AP4S1: variants seen among roughly 807,000 people sequenced by gnomAD.
AP4S1 encodes AP-4 complex subunit sigma-1.
In AP4S1, 23 loss-of-function variants were observed where a neutral mutation model predicts 19.8. The ratio of observed to expected loss-of-function variants is 1.16; its 90% CI spans 0.84 to 1.65. The LOEUF (loss-of-function observed/expected upper bound fraction) is 1.65. Among genes scored for constraint, AP4S1 ranks in the 40% most tolerant of loss-of-function variants. The pLI is 0.00. For synonymous variants in AP4S1, 46 were observed against 54.1 expected, an observed-to-expected ratio of 0.85 and a Z score of 0.66; for missense variants, 166 against 172.8, an observed-to-expected ratio of 0.96 and a Z score of 0.22.
At chr14:31,057,508 C>T (rs1014203969) in intron 1 of AP4S1, among the ~76,000 whole-genome samples, 2 of 152,320 alleles carry the variant, frequency 1.3e-5, no homozygotes, top group Non-Finnish European at 1.5e-5. Flanking sequence ...ATGTGTACTT[C>T]GTTCAGCCTC....
intron 4 of AP4S1, among the ~76,000 whole-genome samples, chr14:31,079,650 C>A (rs1403617353): frequency 6.6e-6 from 1 of 151,864 alleles, no homozygotes; most frequent in East Asian, 1.9e-4. Context: ...CATGGCAAAA[C>A]CCCCGTCTCT....
intron 4 of AP4S1, among the ~76,000 whole-genome samples, chr14:31,077,276 G>T (rs142139707): frequency 4.6e-5 from 7 of 152,040 alleles, no homozygotes; most frequent in East Asian, 1.9e-4. Context: ...TTTTCATTTC[G>T]CATTTAAATA....
chr14:31,048,025 A>C (rs931802178), intron 1 of AP4S1, among the ~76,000 whole-genome samples: 1 of 151,838 alleles, frequency 6.6e-6, no homozygotes, highest in Admixed American at 6.6e-5. Context: ...GCTTGCATTT[A>C]GGTCTATGAT....
chr14:31,088,425 A>G (rs1448185238), intron 5 of AP4S1, among the ~76,000 whole-genome samples: 1 of 152,220 alleles, frequency 6.6e-6, no homozygotes, highest in Non-Finnish European at 1.5e-5. Flanking sequence ...TTAATTTTGC[A>G]TAAGCCTACA....
intron 2 of AP4S1, among the ~76,000 whole-genome samples, chr14:31,067,318 A>G (rs1041726660): frequency 1.3e-5 from 2 of 151,730 alleles, no homozygotes; most frequent in African/African-American, 2.4e-5. Context: ...ACATGTGGAC[A>G]ACATGCAGGT....
chr14:31,040,820 T>C (rs964185858), intron 1 of AP4S1, among the ~76,000 whole-genome samples: 4 of 152,102 alleles, frequency 2.6e-5, no homozygotes, highest in Non-Finnish European at 5.9e-5. Flanking sequence ...AGAAAAATGA[T>C]AGGCCAGTTT....
chr14:31,075,649 T>G (rs1029957932), intron 4 of AP4S1, among the ~76,000 whole-genome samples: 1 of 152,224 alleles, frequency 6.6e-6, no homozygotes, highest in Non-Finnish European at 1.5e-5. Flanking sequence ...TTGAGTGTAG[T>G]GTTTTCAAGA....
rs368658371 is a variant in AP4S1 at position 31,069,864 on chromosome 14, G to A, written c.160G>A (p.Asp54Asn). 2 of 1,612,982 alleles carry A rather than the reference G, an allele frequency of 1.2e-6. 1 individual carries two copies. The highest frequency in any genetic ancestry group is 3.3e-5 in the Admixed American group (2 of 60,000). The change falls in exon 3 of 6, where the codon GAT (aspartate) becomes AAT (asparagine). Residue 54 changes from aspartate to asparagine, a missense_variant. Coordinates refer to ENST00000542754, the MANE Select transcript of AP4S1 (RefSeq NM_001128126.3). ...CTAGTGCTCTTTCATTGAATATAAG[G>A]ATTTTAAGCTGATATATCGGCAGTA... ...NEQCSFIEYK[D>N]FKLIYRQYAA...
intron 1 of AP4S1, chr14:31,026,208 G>A (rs1347670859): frequency 1.1e-5 from 16 of 1,394,464 alleles, no homozygotes; most frequent in Non-Finnish European, 1.0e-5. Flanking sequence ...CCCGGCCGGG[G>A]CGCAGGGCGA....
At chr14:31,049,441 A>ATATATATATG (rs1885636794) in intron 1 of AP4S1, among the ~76,000 whole-genome samples, 2 of 57,976 alleles carry the variant, frequency 3.4e-5, no homozygotes, top group African/African-American at 1.1e-4. Context: ...ATATATATAT[A>ATATATATATG]TATATATATA....
At position 31,072,913 on chromosome 14, in the gene AP4S1, G is replaced by A. The variant is rs1482244592; in HGVS notation, c.234G>A (p.Met78Ile). 1 of 1,612,872 alleles carries A rather than the reference G, an allele frequency of 6.2e-7. No homozygotes were observed. Among genetic ancestry groups the A allele is most frequent in the South Asian group, 1.1e-5 (1 of 91,052 alleles). The stretch of plus-strand genomic sequence containing the variant: ...TTCTTCTTTTATTGTAGAACGAGAT[G>A]GCTATTTATGAATTCATTCATAACT... ...VVGVNDTENE[M>I]AIYEFIHNFV... The change falls in exon 4 of 6, where the codon ATG (methionine) becomes ATA (isoleucine). Residue 78 changes from methionine to isoleucine, a missense_variant. Physicochemically the swap from Met to Ile is conservative, Grantham distance 10. Coordinates refer to ENST00000542754, the MANE Select transcript of AP4S1 (RefSeq NM_001128126.3).
chr14:31,063,655 CAGACCAG>C (rs1886561369), intron 1 of AP4S1, among the ~76,000 whole-genome samples: 1 of 152,032 alleles, frequency 6.6e-6, no homozygotes, highest in African/African-American at 2.4e-5. Flanking sequence ...GAAACTGTCC[CAGACCAG>C]AACAGACTAA....
rs1883817784 is a variant in AP4S1, at chr14:31,025,707, G to A, written c.-152G>A. On this transcript the variant is annotated 5_prime_UTR_variant, in exon 1 of 6. Coordinates refer to ENST00000542754, the MANE Select transcript of AP4S1 (RefSeq NM_001128126.3). ...CGCACCGCGTAGCCAGTGAAGGTTG[G>A]GGAGCAAGCTTATGCGGGAAAGAGG... 1.2e-6 allele frequency: 1 copy of A among 803,962 alleles called. No individual in the cohort carries two copies. The highest frequency in any genetic ancestry group is 1.8e-5 in the South Asian group (1 of 54,546). The allele number at this position is 803,962 out of a possible 1,614,324, so 49.8% of individuals were successfully genotyped here.
chr14:31,049,428 AATATATATATATATAT>A (rs1182207910), intron 1 of AP4S1, among the ~76,000 whole-genome samples: 2,840 of 57,726 alleles, frequency 0.049, 143 homozygotes, highest in African/African-American at 0.1. Flanking sequence ...AAAAAAAAAA[AATATATATATATATAT>A]ATATATATAT....
chr14:31,085,661 T>C (rs1161048464), intron 5 of AP4S1: 2 of 652,942 alleles, frequency 3.1e-6, no homozygotes, highest in Admixed American at 6.3e-5. Flanking sequence ...TAGTCCCAAC[T>C]ACTAGGGAGG....
chr14:31,036,869 A>G lies in AP4S1; in HGVS notation c.-72+11082A>G, dbSNP rs111319991. On this transcript the variant is annotated intron_variant, in intron 1 of 5. Coordinates refer to ENST00000542754, the MANE Select transcript of AP4S1 (RefSeq NM_001128126.3). ...TCGCTCTGTCGCCAGGCTGGAGTGC[A>G]GTGGTGCAATCTCGGCTCCTGTAAC... Among the ~76,000 whole-genome samples, 9 of 151,926 alleles carry G rather than the reference A, an allele frequency of 5.9e-5. 1 individual carries two copies. The highest frequency in any genetic ancestry group is 1.9e-4 in the African/African-American group (8 of 41,418).
chr14:31,032,071 C>CAA (rs71905676), intron 1 of AP4S1, among the ~76,000 whole-genome samples: 7 of 110,622 alleles, frequency 6.3e-5, no homozygotes, highest in South Asian at 2.4e-4. Flanking sequence ...GACCTTGTCC[C>CAA]AAAAAAAAAA....
intron 1 of AP4S1, among the ~76,000 whole-genome samples, chr14:31,063,632 C>A (rs984201699): frequency 6.6e-6 from 1 of 151,990 alleles, no homozygotes; most frequent in African/African-American, 2.4e-5. Context: ...TCATGAAAAA[C>A]GAGGAAGACT....
At chr14:31,062,084 A>T (rs1292019552) in intron 1 of AP4S1, among the ~76,000 whole-genome samples, 1 of 151,950 alleles carries the variant, frequency 6.6e-6, no homozygotes, top group African/African-American at 2.4e-5. Flanking sequence ...GATTTTTTTA[A>T]TCCTGGAGGT....
Sources: allele counts gnomAD v4.1 joint callset (sites outside exome capture counted in the v4.1 genomes callset), GRCh38; gene constraint gnomAD v4.1.1; transcripts MANE v1.5; gene names NCBI Gene and HGNC (gene_info 2026-07-23, HGNC 2026-07-21).